The following R3HCC1L variants were observed in gnomAD, a reference collection of about 807,000 sequenced individuals.
R3HCC1L encodes the protein R3H domain and coiled-coil containing 1 like.
A neutral mutation model predicts 59.9 loss-of-function variants in R3HCC1L; 51 were observed. The observed-to-expected ratio is 0.85, with a 90% CI of 0.68 to 1.07. The LOEUF (loss-of-function observed/expected upper bound fraction) is 1.07, where lower values mean the gene tolerates loss of function less well. Ranked by LOEUF, R3HCC1L falls within the 50% of genes least tolerant of loss-of-function variation. R3HCC1L has a pLI of 0.00. For synonymous variants in R3HCC1L, 322 were observed against 315.2 expected (o/e 1.02, Z -0.23); for missense variants, 965 against 933.0 (o/e 1.03, Z -0.45).
chr10:98,188,339 C>T (rs527336492), intron 4 of R3HCC1L, among the ~76,000 whole-genome samples: 3 of 152,202 alleles, frequency 2.0e-5, no homozygotes, highest in South Asian at 2.1e-4. Context: ...ATACCCAGCC[C>T]GCATTTACTC....
intron 1 of R3HCC1L, among the ~76,000 whole-genome samples, chr10:98,144,962 C>T (rs909752281): frequency 1.3e-5 from 2 of 152,130 alleles, no homozygotes; most frequent in African/African-American, 4.8e-5. Context: ...CTGAGTGAGA[C>T]AAACAAGTGA....
chr10:98,191,020 A>C (rs1850781153), intron 4 of R3HCC1L, among the ~76,000 whole-genome samples: 1 of 152,156 alleles, frequency 6.6e-6, no homozygotes, highest in Non-Finnish European at 1.5e-5. Context: ...TCCATGGTGT[A>C]TATGTGCCAC....
chr10:98,185,989 T>A (rs549127398), intron 4 of R3HCC1L, among the ~76,000 whole-genome samples: 10 of 152,254 alleles, frequency 6.6e-5, no homozygotes, highest in South Asian at 2.1e-4. Context: ...AATGTGAAGA[T>A]CAGTGGAACT....
At chr10:98,203,521 TTC>T (rs1852276084) in intron 4 of R3HCC1L, among the ~76,000 whole-genome samples, 2 of 152,224 alleles carry the variant, frequency 1.3e-5, no homozygotes, top group African/African-American at 2.4e-5. Flanking sequence ...ATTAGGCAGT[TTC>T]TCTCAAATAT....
intron 4 of R3HCC1L, among the ~76,000 whole-genome samples, chr10:98,197,459 C>G (rs1240340324): frequency 1.3e-5 from 2 of 152,150 alleles, no homozygotes; most frequent in Non-Finnish European, 2.9e-5. Flanking sequence ...CTCCATTTTA[C>G]TCTGTAGCCT....
At chr10:98,213,957 T>C (rs938714004) in intron 5 of R3HCC1L, among the ~76,000 whole-genome samples, 25 of 152,212 alleles carry the variant, frequency 1.6e-4, no homozygotes, top group Admixed American at 1.6e-3. Flanking sequence ...GAGTGAATTA[T>C]GTACTCTGTT....
At chr10:98,194,573 A>G (rs1400147563) in intron 4 of R3HCC1L, among the ~76,000 whole-genome samples, 1 of 152,198 alleles carries the variant, frequency 6.6e-6, no homozygotes, top group Non-Finnish European at 1.5e-5. Flanking sequence ...TTTGTAAACC[A>G]TATATTAGAC....
At chr10:98,174,859 A>G (rs548923167) in intron 4 of R3HCC1L, 3 of 821,322 alleles carry the variant, frequency 3.7e-6, no homozygotes, top group East Asian at 2.5e-4. Context: ...AAATTCTTAC[A>G]TATTGATGTT....
rs1456093917 is a variant in R3HCC1L at position 98,208,362 on chromosome 10, GAGAAGAAA to G, written c.253_260del (p.Glu85IlefsTer16). On this transcript the variant is annotated frameshift_variant, in exon 5 of 10. Coordinates refer to ENST00000298999, the MANE Select transcript of R3HCC1L (RefSeq NM_001351015.2). LOFTEE classifies it high-confidence loss of function. ...CCTGATAGAAAGGAGCATAATTGTA[GAGAAGAAA>G]AGAAATCTTCAACAAAATTAAGAAT... The G allele has an allele frequency of 3.1e-6, 5 of 1,613,914 alleles. No homozygotes were observed. The highest frequency in any genetic ancestry group is 3.4e-6 in the Non-Finnish European group (4 of 1,180,010).
intron 5 of R3HCC1L, among the ~76,000 whole-genome samples, chr10:98,211,712 A>G (rs1853602887): frequency 1.3e-5 from 2 of 152,126 alleles, no homozygotes; most frequent in Non-Finnish European, 2.9e-5. Flanking sequence ...TGGCGTTGAT[A>G]GGGCAGAGTT....
chr10:98,159,304 A>G (rs887314415), intron 2 of R3HCC1L, among the ~76,000 whole-genome samples: 12 of 152,108 alleles, frequency 7.9e-5, no homozygotes, highest in African/African-American at 2.9e-4. Context: ...GGATCACTTG[A>G]TTGTTACTGT....
chr10:98,147,760 T>C (rs917532901), intron 1 of R3HCC1L, among the ~76,000 whole-genome samples: 2 of 152,206 alleles, frequency 1.3e-5, no homozygotes, highest in Non-Finnish European at 2.9e-5. Flanking sequence ...TTTGTCCCAT[T>C]GGTCTATGTG....
At chr10:98,192,707 A>G (rs924256838) in intron 4 of R3HCC1L, among the ~76,000 whole-genome samples, 1 of 152,172 alleles carries the variant, frequency 6.6e-6, no homozygotes, top group Non-Finnish European at 1.5e-5. Flanking sequence ...AATTCTACCA[A>G]ACATTTAAAG....
chr10:98,231,881 G>A (rs995025349), intron 6 of R3HCC1L, among the ~76,000 whole-genome samples, 194 bp downstream of exon 6: 5 of 152,062 alleles, frequency 3.3e-5, no homozygotes, highest in Admixed American at 3.3e-4. Context: ...AAAATGTCAG[G>A]TAGCCTTTCT....
chr10:98,178,057 T>G (rs887346957), intron 4 of R3HCC1L, among the ~76,000 whole-genome samples: 4 of 152,216 alleles, frequency 2.6e-5, no homozygotes, highest in Non-Finnish European at 1.5e-5. Context: ...CTCTTTAGTT[T>G]AATTAGACCC....
rs1043901406 is a variant in R3HCC1L, at chr10:98,235,979, C to T, written c.2129-45C>T. The T allele has an allele frequency of 1.9e-6, 3 of 1,574,522 alleles. No homozygotes were observed. In the African/African-American group the frequency reaches 4.1e-5, roughly 22 times the overall value. ...TTAAATCACTTGAAGCTAGAGTGCT[C>T]TCTCTTCTTGACTCCTTCCTACTCC... is the stretch of plus-strand genomic sequence containing the variant. On this transcript the variant is annotated intron_variant, in intron 8 of 9. Coordinates refer to ENST00000298999, the MANE Select transcript of R3HCC1L (RefSeq NM_001351015.2).
intron 4 of R3HCC1L, among the ~76,000 whole-genome samples, chr10:98,172,393 T>C (rs1217223238): frequency 6.6e-6 from 1 of 152,220 alleles, no homozygotes; most frequent in Non-Finnish European, 1.5e-5. Flanking sequence ...TTTAGCGTGG[T>C]TCATGACAGC....
intron 4 of R3HCC1L, among the ~76,000 whole-genome samples, chr10:98,179,559 A>T (rs182285110): frequency 2.0e-4 from 30 of 152,304 alleles, no homozygotes; most frequent in African/African-American, 6.7e-4. Flanking sequence ...CTTTGGTATC[A>T]GGATGATGCT....
intron 4 of R3HCC1L, among the ~76,000 whole-genome samples, chr10:98,193,658 C>A (rs1851100901): frequency 6.6e-6 from 1 of 152,008 alleles, no homozygotes; most frequent in Non-Finnish European, 1.5e-5. Flanking sequence ...GAAACTAAAG[C>A]CAGACAAATA....
Sources: allele counts gnomAD v4.1 joint callset (sites outside exome capture counted in the v4.1 genomes callset), GRCh38; gene constraint gnomAD v4.1.1; transcripts MANE v1.5; gene names NCBI Gene and HGNC (gene_info 2026-07-23, HGNC 2026-07-21).